HIVEP3: variants seen among roughly 807,000 people sequenced by gnomAD.
The protein encoded by HIVEP3 is HIVEP zinc finger 3, also known as transcription factor HIVEP3.
HIVEP3 carries 49 observed loss-of-function variants against 152.8 expected under a neutral mutation model. That is an observed-to-expected ratio of 0.32 (90% CI 0.26 to 0.41). The LOEUF is 0.41. HIVEP3 is among the 10% of genes least tolerant of loss of function. The pLI, the probability that HIVEP3 is intolerant of heterozygous loss-of-function variation, is 1.00. For missense variants in HIVEP3, 2,790 were observed against 3,103.3 expected (o/e 0.90, Z 2.40); for synonymous variants, 1,269 against 1,289.0 (o/e 0.98, Z 0.33).
At chr1:41,782,703 G>A (rs958489688) in intron 1 of HIVEP3, among the ~76,000 whole-genome samples, 2 of 142,350 alleles carry the variant, frequency 1.4e-5, no homozygotes, top group Non-Finnish European at 3.0e-5. Flanking sequence ...TTGCACTCCA[G>A]CCTGGGCAAC....
chr1:41,782,324 A>G (rs1649092273), intron 1 of HIVEP3, among the ~76,000 whole-genome samples: 1 of 152,214 alleles, frequency 6.6e-6, no homozygotes, highest in African/African-American at 2.4e-5. Flanking sequence ...GGGAAAGGGA[A>G]TCACTGTTTC....
intron 6 of HIVEP3, among the ~76,000 whole-genome samples, chr1:41,518,894 C>T (rs1642683672): frequency 6.7e-6 from 1 of 149,422 alleles, no homozygotes; most frequent in African/African-American, 2.4e-5. Context: ...GACTATTGGC[C>T]ATCTCAAGTG....
rs1341422573 is a variant in HIVEP3, at chr1:41,873,115, C to T, written c.-801+45298G>A. Among the ~76,000 whole-genome samples the T allele has an allele frequency of 1.3e-5, 2 of 152,250 alleles. No individual in the cohort carries two copies. Among genetic ancestry groups the T allele is most frequent in the African/African-American group, 4.8e-5 (2 of 41,474 alleles). ...CTGCTTTGCTGAAGGGGCTGGCAGG[C>T]GGCTTCCCAGGCAGGGTCTGCTCAG... On this transcript the variant is annotated intron_variant, in intron 1 of 8. Transcript: ENST00000372583. This position sits in a 1 kb window ranked among gnomAD's most constrained non-coding sequence, Gnocchi z 4.2.
At position 41,918,704 on chromosome 1, in the gene HIVEP3, T is replaced by G. The variant is rs1644912055; in HGVS notation, c.-1092A>C. ...GGATAATGGGAGAGTCGGCTGGTTG[T>G]GAGCATGCTCGCGCCGGGAACAGAT... is the stretch of plus-strand genomic sequence containing the variant. On this transcript the variant is annotated 5_prime_UTR_variant, in exon 1 of 9. Coordinates refer to ENST00000372583, the MANE Select transcript of HIVEP3 (RefSeq NM_024503.5). The surrounding 1 kb of genome is among the most constrained non-coding windows in gnomAD (Gnocchi z 4.3). 6.6e-6 allele frequency: 1 copy of G among 152,166 alleles called. No homozygotes were observed. Among genetic ancestry groups the G allele is most frequent in the Admixed American group, 6.5e-5 (1 of 15,284 alleles). 9.4% of individuals were successfully genotyped at this position (152,166 alleles called of 1,614,324 possible).
chr1:41,916,241 T>C lies in HIVEP3; in HGVS notation c.-801+2172A>G, dbSNP rs144362222. Among the ~76,000 whole-genome samples, 800 of 152,176 alleles carry C rather than the reference T, an allele frequency of 5.3e-3. 2 individuals are homozygous for C. The highest frequency in any genetic ancestry group is 0.024 in the Middle Eastern group (7 of 294). ...GGAGGGTGGCTGCCACTAAACACAATGGGCGGAGACAGCTCAACAATAGTG... is the reference window on the plus strand; with the variant it reads ...GGAGGGTGGCTGCCACTAAACACAACGGGCGGAGACAGCTCAACAATAGTG... On this transcript the variant is annotated intron_variant, in intron 1 of 8. Transcript: ENST00000372583.
intron 1 of HIVEP3, among the ~76,000 whole-genome samples, chr1:41,724,070 G>A (rs1032502854): frequency 2.0e-5 from 3 of 152,184 alleles, no homozygotes; most frequent in African/African-American, 4.8e-5. Context: ...AATATCATGA[G>A]GGGGGAGGGG....
At chr1:41,526,609 C>A (rs796179442) in intron 5 of HIVEP3, among the ~76,000 whole-genome samples, 94 of 24,494 alleles carry the variant, frequency 3.8e-3, no homozygotes, top group African/African-American at 7.2e-3. Context: ...ACACCTGCTC[C>A]CACCCCCACC....
chr1:41,879,189 A>C (rs938329686), intron 1 of HIVEP3, among the ~76,000 whole-genome samples: 3 of 152,158 alleles, frequency 2.0e-5, no homozygotes, highest in Non-Finnish European at 2.9e-5. Context: ...ATTGCAGGGG[A>C]CTTGCAGGAC....
intron 5 of HIVEP3, among the ~76,000 whole-genome samples, chr1:41,556,525 G>A (rs1490021766): frequency 6.6e-6 from 1 of 152,132 alleles, no homozygotes; most frequent in African/African-American, 2.4e-5. Context: ...TACATATTCT[G>A]GATATCAAGC....
rs371390333 is a variant in HIVEP3 at position 41,524,839 on chromosome 1, C to T, written c.5279G>A (p.Gly1760Glu). The change falls in exon 6 of 9, where the codon GGA becomes GAA. Residue 1760 changes from glycine (G) to glutamate (E), a missense_variant. Physicochemically the swap from Gly to Glu is moderately conservative, Grantham distance 98. Transcript: ENST00000372583. ...GRGKYVCEEC[G>E]IRCKKPSMLK... The stretch of plus-strand genomic sequence containing the variant: ...CATGCTGGGCTTCTTGCAGCGAATT[C>T]CACACTCCTCACAAACATATTTCCC... The T allele has an allele frequency of 6.8e-6, 11 of 1,614,164 alleles. No homozygotes were observed. The South Asian group carries it at 1.2e-4, about 18-fold the overall frequency.
chr1:41,792,388 G>A (rs1359029837), intron 1 of HIVEP3, among the ~76,000 whole-genome samples: 1 of 152,198 alleles, frequency 6.6e-6, no homozygotes, highest in African/African-American at 2.4e-5. Flanking sequence ...GTAAATGAAT[G>A]TGCAACTCAA....
intron 1 of HIVEP3, among the ~76,000 whole-genome samples, chr1:41,740,166 T>A (rs1156825405): frequency 6.6e-6 from 1 of 152,214 alleles, no homozygotes; most frequent in East Asian, 1.9e-4. Context: ...GGGATGAAGA[T>A]GTGGGCGCTG....
At chr1:41,810,712 G>C (rs1650905517) in intron 1 of HIVEP3, among the ~76,000 whole-genome samples, 3 of 152,340 alleles carry the variant, frequency 2.0e-5, no homozygotes, top group Admixed American at 6.5e-5. Context: ...ATGGTGAAAT[G>C]TGGTTATTTT....
In HIVEP3 at chr1:41,853,915, T is replaced by A. The variant is rs77413474; in HGVS notation, c.-801+64498A>T. Among the ~76,000 whole-genome samples, 1,125 of 152,244 alleles carry A rather than the reference T, an allele frequency of 7.4e-3. 17 individuals carry two copies. The highest frequency in any genetic ancestry group is 0.026 in the African/African-American group (1,089 of 41,560). ...AAGCCTGTCTGTAAATGATGATGAA[T>A]GTGTGAGCTCACCAAGGGAGAAGGC... On this transcript the variant is annotated intron_variant, in intron 1 of 8. Transcript: ENST00000372583.
chr1:41,780,591 T>G (rs1648985295), intron 1 of HIVEP3, among the ~76,000 whole-genome samples: 1 of 152,068 alleles, frequency 6.6e-6, no homozygotes, highest in Admixed American at 6.5e-5. Context: ...TGCAGGAGGC[T>G]CTGGGGAAAG....
At chr1:41,550,269 G>C (rs1410014784) in intron 5 of HIVEP3, among the ~76,000 whole-genome samples, 2 of 152,178 alleles carry the variant, frequency 1.3e-5, no homozygotes, top group African/African-American at 4.8e-5. Flanking sequence ...TGCTGTTTTG[G>C]TTACCGTAGC....
intron 1 of HIVEP3, among the ~76,000 whole-genome samples, chr1:41,895,411 G>T (rs1415104099): frequency 6.6e-6 from 1 of 152,046 alleles, no homozygotes; most frequent in Non-Finnish European, 1.5e-5. Context: ...AGATCCAGGG[G>T]GTCCAATGTT....
chr1:41,822,828 G>C (rs1176625537), intron 1 of HIVEP3, among the ~76,000 whole-genome samples: 2 of 152,228 alleles, frequency 1.3e-5, no homozygotes, highest in African/African-American at 4.8e-5. Context: ...GCTGTTGACA[G>C]CTGCAGAATG....
At chr1:41,988,255 C>T (rs1645335690) in intron 1 of HIVEP3, among the ~76,000 whole-genome samples, 1 of 152,216 alleles carries the variant, frequency 6.6e-6, no homozygotes, top group East Asian at 1.9e-4. Context: ...CACTATAAAG[C>T]TTATGCACAG....
Sources: gnomAD v4.1 joint callset for allele counts (sites outside exome capture counted in the v4.1 genomes callset) on GRCh38, gnomAD v4.1.1 for gene constraint, Gnocchi (gnomAD v3.1) non-coding constraint, MANE v1.5 for transcripts, NCBI Gene and HGNC (gene_info 2026-07-23, HGNC 2026-07-21) for gene names.